Variants in RIPOR2 observed in about 807,000 individuals in gnomAD.
The protein encoded by RIPOR2 is RHO family interacting cell polarization regulator 2, also known as rho family-interacting cell polarization regulator 2.
In RIPOR2, 39 loss-of-function variants were observed where a neutral mutation model predicts 114.5. The observed-to-expected ratio is 0.34, with a 90% CI of 0.26 to 0.44. RIPOR2 has a LOEUF of 0.44. Ranked by LOEUF, RIPOR2 falls within the 20% of genes least tolerant of loss-of-function variation. The pLI is 1.00. For synonymous variants in RIPOR2, 445 were observed against 484.4 expected (o/e 0.92, Z 1.07); for missense variants, 1,007 against 1,255.1 (o/e 0.80, Z 2.99).
chr6:25,006,889 T>C (rs989163310), intron 1 of RIPOR2, among the ~76,000 whole-genome samples: 4 of 152,260 alleles, frequency 2.6e-5, no homozygotes, highest in African/African-American at 7.2e-5. Context: ...AACTGTGCCA[T>C]GGCTGAAAGC....
intron 1 of RIPOR2, among the ~76,000 whole-genome samples, chr6:24,921,926 T>C (rs1431901917): frequency 6.6e-6 from 1 of 151,502 alleles, no homozygotes; most frequent in African/African-American, 2.4e-5. Flanking sequence ...ACCTCCTGGG[T>C]TCAAGCAATT....
chr6:24,996,276 A>G lies in RIPOR2; in HGVS notation c.76+45575T>C, dbSNP rs574796256. Among the ~76,000 whole-genome samples, 5 of 152,360 alleles carry G rather than the reference A, an allele frequency of 3.3e-5. No homozygotes were observed. The South Asian group carries it at 8.3e-4, about 25-fold the overall frequency. Reference sequence around the variant, plus strand: ...GTCTCATCTATGAACTATGGGCAGAAAATCTACGATAAACAAAAGATCAAA... The same window carrying G: ...GTCTCATCTATGAACTATGGGCAGAGAATCTACGATAAACAAAAGATCAAA... On this transcript the variant is annotated intron_variant, in intron 1 of 13. Transcript: ENST00000510784.
In RIPOR2 at chr6:24,967,374, G is replaced by A. The variant is rs182372105; in HGVS notation, c.76+74477C>T. ...GTCCAAGTACAGTATAAAGGATAAA[G>A]ATGTGTTATCTACTGCCACCATGCA... On this transcript the variant is annotated intron_variant, in intron 1 of 13. Coordinates refer to the RIPOR2 transcript ENST00000510784. Among the ~76,000 whole-genome samples the A allele has an allele frequency of 2.0e-5, 3 of 152,322 alleles. No individual in the cohort carries two copies. The East Asian group carries it at 5.8e-4, about 29-fold the overall frequency.
chr6:25,018,737 C>T (rs375131462), intron 1 of RIPOR2, among the ~76,000 whole-genome samples: 1 of 152,134 alleles, frequency 6.6e-6, no homozygotes, highest in Non-Finnish European at 1.5e-5. Flanking sequence ...ATAGGTGATA[C>T]TCTATGATGC....
intron 5 of RIPOR2, among the ~76,000 whole-genome samples, chr6:24,869,861 G>A (rs1035903958): frequency 1.1e-4 from 17 of 151,946 alleles, no homozygotes; most frequent in African/African-American, 4.1e-4. Flanking sequence ...TTTTACAATT[G>A]CTACCGGCAG....
In RIPOR2 at chr6:24,857,949, C is replaced by CA. The variant is rs1763648413; in HGVS notation, c.715+3023dup. Among the ~76,000 whole-genome samples the CA allele has an allele frequency of 4.6e-5, 7 of 152,342 alleles. No individual in the cohort carries two copies. In the South Asian group the frequency reaches 1.4e-3, roughly 32 times the overall value. On this transcript the variant is annotated intron_variant, in intron 8 of 21. Transcript: ENST00000643898. ...ATAGCTCTTCTCCGAACAATCACGT[C>CA]AGCCACACCGGTCTACTTGTCACCT...
chr6:24,914,939 A>T (rs776591795), intron 1 of RIPOR2, among the ~76,000 whole-genome samples: 1 of 152,194 alleles, frequency 6.6e-6, no homozygotes, highest in Non-Finnish European at 1.5e-5. Context: ...ACCGACCCTT[A>T]TCTATCTATC....
intron 1 of RIPOR2, among the ~76,000 whole-genome samples, chr6:25,031,613 G>C (rs890304900): frequency 6.9e-6 from 1 of 145,094 alleles, no homozygotes; most frequent in African/African-American, 2.5e-5. Flanking sequence ...ACAGATGTCT[G>C]CAATTTATTT....
At chr6:25,016,593 G>C (rs191365294) in intron 1 of RIPOR2, among the ~76,000 whole-genome samples, 7 of 152,276 alleles carry the variant, frequency 4.6e-5, no homozygotes, top group African/African-American at 1.7e-4. Flanking sequence ...AAATAGTCAC[G>C]AATCTGGGAA....
At chr6:25,013,803 TCC>T (rs2113685669) in intron 1 of RIPOR2, among the ~76,000 whole-genome samples, 1 of 152,284 alleles carries the variant, frequency 6.6e-6, no homozygotes, top group Admixed American at 6.5e-5. Flanking sequence ...TAGTTCAGTC[TCC>T]CACTCCATGT....
chr6:24,830,621 C>T lies in RIPOR2; in HGVS notation c.2394G>A (p.Lys798=), dbSNP rs888518442. ...KKLSLLSFWT[K]CCSPVGVYHS... ...GGTAGACACCAACAGGGCTGCAGCACTTGGTCCAGAATGACAGCAAAGACA... is the reference window on the plus strand; with the variant it reads ...GGTAGACACCAACAGGGCTGCAGCATTTGGTCCAGAATGACAGCAAAGACA... Residue 798 remains lysine, a synonymous_variant, in exon 17 of 22, where the codon AAG becomes AAA. Coordinates refer to ENST00000643898, the MANE Select transcript of RIPOR2 (RefSeq NM_001286445.3). The T allele has an allele frequency of 6.4e-7, 1 of 1,551,456 alleles. No individual in the cohort carries two copies. The highest frequency in any genetic ancestry group is 1.4e-5 in the African/African-American group (1 of 73,054).
chr6:25,019,205 A>T lies in RIPOR2; in HGVS notation c.76+22646T>A, dbSNP rs540500002. The stretch of plus-strand genomic sequence containing the variant: ...AAGCATTATTCTTGTTGATGCCCAG[A>T]TGGTCCCACATTTGACAAATGCATA... On this transcript the variant is annotated intron_variant, in intron 1 of 13. Coordinates refer to the RIPOR2 transcript ENST00000510784. Among the ~76,000 whole-genome samples, 97 of 152,332 alleles carry T rather than the reference A, an allele frequency of 6.4e-4. No individual in the cohort carries two copies. The Middle Eastern group carries it at 0.014, about 21-fold the overall frequency.
At chr6:24,995,931 G>A (rs1157236203) in intron 1 of RIPOR2, among the ~76,000 whole-genome samples, 1 of 151,500 alleles carries the variant, frequency 6.6e-6, no homozygotes, top group Non-Finnish European at 1.5e-5. Context: ...GCCTCCCTAG[G>A]AGCTGGGACT....
chr6:24,845,628 G>A, intron 12 of RIPOR2, among the ~76,000 whole-genome samples: 1 of 152,316 alleles, frequency 6.6e-6, no homozygotes, highest in South Asian at 2.1e-4. Flanking sequence ...CAAATATTGA[G>A]TGAGAATAAA....
rs535084902 is a variant in RIPOR2, at chr6:24,962,608, A to G, written c.76+79243T>C. On this transcript the variant is annotated intron_variant, in intron 1 of 13. Transcript: ENST00000510784. ...GTTTTCATGGTAACATGTATTGTCT[A>G]GGAGAGGTGGGATAAAAGAAACTTC... Among the ~76,000 whole-genome samples the G allele has an allele frequency of 4.0e-5, 6 of 149,716 alleles. No individual in the cohort carries two copies. In the South Asian group the frequency reaches 1.1e-3, roughly 27 times the overall value.
At chr6:25,015,166 G>C (rs1358156568) in intron 1 of RIPOR2, 1 of 152,196 alleles carries the variant, frequency 6.6e-6, no homozygotes, top group Admixed American at 6.5e-5. Flanking sequence ...GAGCTTTAGA[G>C]CTTCATCATT....
At chr6:24,895,934 T>G (rs1041371390) in intron 1 of RIPOR2, among the ~76,000 whole-genome samples, 2 of 152,086 alleles carry the variant, frequency 1.3e-5, no homozygotes, top group Non-Finnish European at 2.9e-5. Flanking sequence ...GAGCTTGTAG[T>G]GAGCCGAGAT....
chr6:24,859,810 G>C (rs913268975), intron 8 of RIPOR2, among the ~76,000 whole-genome samples: 3 of 152,124 alleles, frequency 2.0e-5, no homozygotes, highest in Admixed American at 2.0e-4. Flanking sequence ...TCAAAAAAAA[G>C]TCTCCTTTCT....
chr6:25,001,448 C>A (rs1423463138), intron 1 of RIPOR2, among the ~76,000 whole-genome samples: 2 of 151,696 alleles, frequency 1.3e-5, no homozygotes, highest in South Asian at 2.1e-4. Context: ...CATGGTGTAA[C>A]CCCGTCTCTA....
Sources: allele counts gnomAD v4.1 joint callset (sites outside exome capture counted in the v4.1 genomes callset), GRCh38; gene constraint gnomAD v4.1.1; transcripts MANE v1.5; gene names NCBI Gene and HGNC (gene_info 2026-07-23, HGNC 2026-07-21).